ATP7B: variants seen among roughly 807,000 people sequenced by gnomAD.
ATP7B encodes ATPase copper transporting beta.
A neutral mutation model predicts 118.9 loss-of-function variants in ATP7B; 113 were observed. The ratio of observed to expected loss-of-function variants is 0.95; its 90% CI spans 0.82 to 1.11. The LOEUF (loss-of-function observed/expected upper bound fraction) is 1.11. ATP7B is among the 50% of genes most tolerant of loss of function. ATP7B has a pLI of 0.00. For missense variants in ATP7B, 1,867 were observed against 1,871.4 expected, an observed-to-expected ratio of 1.00 and a Z score of 0.04; for synonymous variants, 777 against 727.4, an observed-to-expected ratio of 1.07 and a Z score of -1.10.
Position 51,937,599 on chromosome 13 carries a change from CT to C in ATP7B, c.3779del (p.Lys1260ArgfsTer70). Reference sequence around the variant, plus strand: ...CCCCATCCCCCACCATGGCGACTTTCTTCCCTTTATTCTGGAGCTCCTGGAC... The same window carrying C: ...CCCCATCCCCCACCATGGCGACTTTCTCCCTTTATTCTGGAGCTCCTGGAC... ...AKVQELQNKG[K>X]KVAMVGDGVN... On this transcript the variant is annotated frameshift_variant, in exon 18 of 21. Coordinates refer to ENST00000242839, the MANE Select transcript of ATP7B (RefSeq NM_000053.4). LOFTEE classifies it high-confidence loss of function. 1 of 1,614,266 alleles carries C rather than the reference CT, an allele frequency of 6.2e-7. No individual in the cohort carries two copies. Among genetic ancestry groups the C allele is most frequent in the South Asian group, 1.1e-5 (1 of 91,090 alleles).
At position 51,933,295 on chromosome 13, in the gene ATP7B, C is replaced by T. The variant is rs2094194855; in HGVS notation, c.*1461G>A. On this transcript the variant is annotated 3_prime_UTR_variant, in exon 21 of 21. Coordinates refer to ENST00000242839, the MANE Select transcript of ATP7B (RefSeq NM_000053.4). ...ATGTCATCCTGGGCAAAGTCCTCAG[C>T]CTCTTGGAGCCTGTTTCCTTGCCTG... 6.6e-6 allele frequency: 1 copy of T among 152,222 alleles called. No individual in the cohort carries two copies. The highest frequency in any genetic ancestry group is 6.5e-5 in the Admixed American group (1 of 15,278). 9.4% of individuals were successfully genotyped at this position (152,222 alleles called of 1,614,324 possible). A position where few individuals can be genotyped will look rare whatever the true frequency, so the allele number is the denominator to read the frequency against.
intron 3 of ATP7B, among the ~76,000 whole-genome samples, chr13:51,969,434 C>CT (rs112360610): frequency 1.8e-3 from 258 of 144,630 alleles, no homozygotes; most frequent in African/African-American, 4.8e-3. Context: ...GAAGGATATC[C>CT]TTTTTTTTTT....
intron 1 of ATP7B, among the ~76,000 whole-genome samples, chr13:52,007,715 C>T (rs1160774907): frequency 6.6e-6 from 1 of 152,172 alleles, no homozygotes; most frequent in South Asian, 2.1e-4. Flanking sequence ...ACATGCCAGT[C>T]GCTGGGTCTG....
chr13:51,974,209 A>T lies in ATP7B; in HGVS notation c.1011T>A (p.Asp337Glu). Reference protein sequence around the residue: ...LPDGAEGSGTDHRSSSSHSPG... With the variant: ...LPDGAEGSGTEHRSSSSHSPG... ...GGGAATGAGAACTGGAAGACCTGTGATCTGTCCCACTCCCTTCGGCTCCAT... is the reference window on the plus strand; with the variant it reads ...GGGAATGAGAACTGGAAGACCTGTGTTCTGTCCCACTCCCTTCGGCTCCAT... The change falls in exon 2 of 21, where the codon GAT becomes GAA. Residue 337 changes from aspartate to glutamate, a missense_variant. Transcript: ENST00000242839. 1 of 1,613,846 alleles carries T rather than the reference A, an allele frequency of 6.2e-7. No homozygotes were observed. The highest frequency in any genetic ancestry group is 8.5e-7 in the Non-Finnish European group (1 of 1,179,954).
At chr13:51,993,488 G>A (rs535914104) in intron 1 of ATP7B, among the ~76,000 whole-genome samples, 76 of 152,178 alleles carry the variant, frequency 5.0e-4, no homozygotes, top group African/African-American at 1.7e-3. Context: ...ATTTGAACCC[G>A]GAAGGTCGAG....
rs565547879 is a variant in ATP7B, at chr13:51,961,804, A to G, written c.1946+33T>C. 4.4e-6 allele frequency: 7 copies of G among 1,595,900 alleles called. No individual in the cohort carries two copies. In the East Asian group the frequency reaches 1.3e-4, roughly 31 times the overall value. On this transcript the variant is annotated intron_variant, in intron 6 of 20. Coordinates refer to ENST00000242839, the MANE Select transcript of ATP7B (RefSeq NM_000053.4). Reference sequence around the variant, plus strand: ...CCAGGTAGAGGAAGGGACTTAGATGAGAGCTGGAGTTTATCTTTTGTGTTC... The same window carrying G: ...CCAGGTAGAGGAAGGGACTTAGATGGGAGCTGGAGTTTATCTTTTGTGTTC...
chr13:51,938,372 G>A (rs935018731), intron 17 of ATP7B, among the ~76,000 whole-genome samples: 22 of 152,162 alleles, frequency 1.4e-4, no homozygotes, highest in African/African-American at 3.9e-4. Flanking sequence ...TGTCACATTC[G>A]TGGTGCTTCG....
At chr13:51,960,082 G>T in intron 7 of ATP7B, 66 bp downstream of exon 7, 3 of 1,561,398 alleles carry the variant, frequency 1.9e-6, no homozygotes, top group Admixed American at 3.3e-5. Flanking sequence ...TGCGCTTAGC[G>T]GGCAGAATAT....
In ATP7B at chr13:51,942,442, G is replaced by C. The variant is rs1420890804; in HGVS notation, c.3356C>G (p.Pro1119Arg). Residue 1119 changes from proline (P) to arginine (R), a missense_variant, in exon 15 of 21, where the codon CCT (proline) becomes CGT (arginine). Coordinates refer to ENST00000242839, the MANE Select transcript of ATP7B (RefSeq NM_000053.4). The part of the protein sequence containing the change: ...VEGILAHSER[P>R]LSAPASHLNE... ...CAGGTGACTGGCCGGTGCACTCAAA[G>C]GGCGCTCACTGTGGGCCAGGATGCC... 6 of 1,614,240 alleles carry C rather than the reference G, an allele frequency of 3.7e-6. No homozygotes were observed. The highest frequency in any genetic ancestry group is 5.1e-6 in the Non-Finnish European group (6 of 1,180,042).
rs146780293 is a variant in ATP7B, at chr13:51,942,128, T to C, written c.3412+258A>G. On this transcript the variant is annotated intron_variant, in intron 15 of 20. Transcript: ENST00000242839. ...TAGCTTATGAGAAGCAAGACCGATA[T>C]GGGATAAGAAAGAGGAGAATCAAAA... Among the ~76,000 whole-genome samples, 5 of 152,282 alleles carry C rather than the reference T, an allele frequency of 3.3e-5. No homozygotes were observed. The East Asian group carries it at 7.7e-4, about 24-fold the overall frequency.
At chr13:51,946,647 T>C in intron 12 of ATP7B, 169 bp from the exon 13 acceptor site, 1 of 744,410 alleles carries the variant, frequency 1.3e-6, no homozygotes, top group Non-Finnish European at 2.3e-6. Context: ...AACACGTTAC[T>C]GCTCTCCACA....
chr13:51,953,436 G>A (rs995703599), intron 9 of ATP7B, among the ~76,000 whole-genome samples: 1 of 152,228 alleles, frequency 6.6e-6, no homozygotes, highest in Non-Finnish European at 1.5e-5. Context: ...CGAATGTACA[G>A]TTGGGTGTCT....
intron 8 of ATP7B, 146 bp downstream of exon 8, chr13:51,958,165 A>G: frequency 1.1e-6 from 1 of 902,846 alleles, no homozygotes; most frequent in Non-Finnish European, 1.7e-6. Flanking sequence ...TAGTGACTAG[A>G]GCACCTTAAT....
At chr13:52,000,440 A>G (rs1953438976) in intron 1 of ATP7B, among the ~76,000 whole-genome samples, 1 of 152,138 alleles carries the variant, frequency 6.6e-6, no homozygotes, top group Non-Finnish European at 1.5e-5. Context: ...TCACCTCCTA[A>G]TACCACCACC....
intron 1 of ATP7B, among the ~76,000 whole-genome samples, chr13:51,982,454 A>T (rs1593815773): frequency 6.6e-6 from 1 of 152,296 alleles, no homozygotes; most frequent in African/African-American, 2.4e-5. Flanking sequence ...CAGTTCTTCA[A>T]TTAAGATGAT....
chr13:51,949,167 G>A (rs1957839178), intron 12 of ATP7B, among the ~76,000 whole-genome samples: 1 of 152,090 alleles, frequency 6.6e-6, no homozygotes, highest in African/African-American at 2.4e-5. Flanking sequence ...GAAACAGAGG[G>A]AGACTCCATC....
At chr13:51,938,381 C>CA (rs1957103982) in intron 17 of ATP7B, among the ~76,000 whole-genome samples, 2 of 152,196 alleles carry the variant, frequency 1.3e-5, no homozygotes, top group African/African-American at 4.8e-5. Context: ...CGTGGTGCTT[C>CA]GTAAGTGCCT....
chr13:51,948,598 CTT>C (rs1957805761), intron 12 of ATP7B, among the ~76,000 whole-genome samples: 2 of 152,282 alleles, frequency 1.3e-5, no homozygotes, highest in East Asian at 3.9e-4. Context: ...CCAGATAACT[CTT>C]TGTTGTAGGG....
At chr13:51,975,219 A>G in intron 1 of ATP7B, 51 bp from the exon 2 acceptor site, 1 of 1,595,256 alleles carries the variant, frequency 6.3e-7, no homozygotes, top group Non-Finnish European at 8.6e-7. Context: ...AATATTTTCT[A>G]CAACATCCCA....
Sources: gnomAD v4.1 joint callset for allele counts (sites outside exome capture counted in the v4.1 genomes callset) on GRCh38, gnomAD v4.1.1 for gene constraint, MANE v1.5 for transcripts, NCBI Gene and HGNC (gene_info 2026-07-23, HGNC 2026-07-21) for gene names.